Variants in TMEM39A observed in about 807,000 individuals in gnomAD.
TMEM39A encodes the protein suppressor of SQST-1 aggregates in rpl-43 mutants.
A neutral mutation model predicts 51.9 loss-of-function variants in TMEM39A; 19 were observed. That is an observed-to-expected ratio of 0.37 (90% CI 0.26 to 0.54). TMEM39A has a LOEUF of 0.54. Ranked by LOEUF, TMEM39A falls within the 20% of genes least tolerant of loss-of-function variation. The pLI is 0.88. For missense variants in TMEM39A, 433 were observed against 590.5 expected (o/e 0.73, Z 2.76); for synonymous variants, 197 against 220.2 (o/e 0.89, Z 0.93).
chr3:119,434,988 T>TC (rs2107658500), intron 7 of TMEM39A, 106 bp from the exon 8 acceptor site: 1 of 1,460,578 alleles, frequency 6.8e-7, no homozygotes, highest in East Asian at 2.4e-5. Context: ...AATCAAGGCT[T>TC]CATCTGCCTG....
intron 4 of TMEM39A, among the ~76,000 whole-genome samples, chr3:119,448,325 T>G (rs959128132): frequency 6.6e-6 from 1 of 152,134 alleles, no homozygotes; most frequent in South Asian, 2.1e-4. Context: ...TAGGGGAAAA[T>G]GGAAGATCCC....
At chr3:119,443,615 T>C (rs1251583753) in intron 5 of TMEM39A, among the ~76,000 whole-genome samples, 2 of 152,170 alleles carry the variant, frequency 1.3e-5, no homozygotes, top group Admixed American at 6.5e-5. Flanking sequence ...ATGTACTTAA[T>C]AGAATACAGA....
chr3:119,442,725 A>G (rs1482371432), intron 5 of TMEM39A, among the ~76,000 whole-genome samples: 1 of 152,186 alleles, frequency 6.6e-6, no homozygotes, highest in Non-Finnish European at 1.5e-5. Flanking sequence ...TGGAGAAAGT[A>G]ACCGCAAATG....
At chr3:119,453,383 T>G (rs1001932555) in intron 3 of TMEM39A, among the ~76,000 whole-genome samples, 1 of 152,216 alleles carries the variant, frequency 6.6e-6, no homozygotes, top group African/African-American at 2.4e-5. Flanking sequence ...TACTTTCTAC[T>G]GTGGTGTCAG....
In TMEM39A at chr3:119,434,785, C is replaced by A. The variant is rs183457549; in HGVS notation, c.1210G>T (p.Asp404Tyr). ...MGPYNVAVPS[D>Y]VSHARFYFLF... ...GCATAAAAGCGGGCATGAGATACAT[C>A]TGAAGGCACTGCCACGTTGTAAGGC... The change falls in exon 8 of 9, where the codon GAT (aspartate) becomes TAT (tyrosine). Residue 404 changes from aspartate to tyrosine, a missense_variant. Around this residue, in one of 3 missense-constraint regions of TMEM39A, gnomAD observed 223 missense variants for 328.1 expected, o/e 0.68. Transcript: ENST00000319172. The A allele has an allele frequency of 6.2e-7, 1 of 1,613,722 alleles. No homozygotes were observed. Among genetic ancestry groups the A allele is most frequent in the East Asian group, 2.2e-5 (1 of 44,876 alleles).
intron 4 of TMEM39A, among the ~76,000 whole-genome samples, chr3:119,448,957 T>C (rs1199728089): frequency 1.3e-5 from 2 of 152,324 alleles, no homozygotes; most frequent in African/African-American, 2.4e-5. Context: ...TGAAGCTGAC[T>C]AACCAAGAAA....
At position 119,432,106 on chromosome 3, in the gene TMEM39A, T is replaced by C. The variant is rs2080909137; in HGVS notation, c.1342A>G (p.Thr448Ala). 6.2e-7 allele frequency: 1 copy of C among 1,613,264 alleles called. No homozygotes were observed. The highest frequency in any genetic ancestry group is 8.5e-7 in the Non-Finnish European group (1 of 1,179,488). ...SLLRSEKWNH[T>A]LSMALILFCN... ...AAGAGGATGAGAGCCATGGAAAGTG[T>C]GTGGTTCCACTTCTCCGACCGCAGC... is the stretch of plus-strand genomic sequence containing the variant. The change falls in exon 9 of 9, where the codon ACA (threonine) becomes GCA (alanine). Residue 448 changes from threonine to alanine, a missense_variant. Physicochemically the swap from Thr to Ala is moderately conservative, Grantham distance 58 (BLOSUM62 0). Transcript: ENST00000319172.
chr3:119,438,582 A>C (rs911521290), intron 5 of TMEM39A, among the ~76,000 whole-genome samples: 2 of 152,194 alleles, frequency 1.3e-5, no homozygotes, highest in African/African-American at 4.8e-5. Context: ...TTTCTATAGA[A>C]ATTTTTAAAG....
rs745906149 is a variant in TMEM39A, at chr3:119,437,938, C to G, written c.741G>C (p.Ser247=). Residue 247 remains serine, a synonymous_variant, in exon 6 of 9, where the codon TCG becomes TCC. Coordinates refer to ENST00000319172, the MANE Select transcript of TMEM39A (RefSeq NM_018266.3). ...TGGCATTATTAAACTGTTCTTTTAG[C>G]GACTCCAGCAACAAGGAGAGAAAGT... The part of the protein sequence containing the change: ...SKDFLSLLLE[S]LKEQFNNATP... 1 of 1,613,912 alleles carries G rather than the reference C, an allele frequency of 6.2e-7. No homozygotes were observed. The highest frequency in any genetic ancestry group is 8.5e-7 in the Non-Finnish European group (1 of 1,179,984).
At chr3:119,435,516 C>G (rs1162447879) in intron 7 of TMEM39A, 1 of 984,158 alleles carries the variant, frequency 1.0e-6, no homozygotes, top group Admixed American at 6.2e-5. Context: ...GAAGCAGCAG[C>G]TTCATTCTTT....
Position 119,429,532 on chromosome 3 carries a change from A to AT in TMEM39A, c.*2448dup, listed in dbSNP as rs1180533959. ...AAAGGTCATTCTTTAATGATTACACATTTTTCTACTATCAGTGAGCAAATA... is the reference window on the plus strand; with the variant it reads ...AAAGGTCATTCTTTAATGATTACACATTTTTTCTACTATCAGTGAGCAAATA... On this transcript the variant is annotated 3_prime_UTR_variant, in exon 9 of 9. Transcript: ENST00000319172. The AT allele has an allele frequency of 6.6e-6, 1 of 152,112 alleles. No homozygotes were observed. The highest frequency in any genetic ancestry group is 6.6e-5 in the Admixed American group (1 of 15,262). 9.4% of individuals were successfully genotyped at this position (152,112 alleles called of 1,614,324 possible).
In TMEM39A at chr3:119,429,215, AAGAG is replaced by A. The variant is rs1476783878; in HGVS notation, c.*2762_*2765del. 1.3e-5 allele frequency among the ~76,000 whole-genome samples: 2 copies of A among 152,180 alleles called. No homozygotes were observed. Among genetic ancestry groups the A allele is most frequent in the Admixed American group, 6.6e-5 (1 of 15,264 alleles). ...AGAAATAAAAAAATTAATTAAAAAAAAGAGAGAGAAACGGCACAACAGGTGGCAG... is the reference window on the plus strand; with the variant it reads ...AGAAATAAAAAAATTAATTAAAAAAAAGAGAAACGGCACAACAGGTGGCAG... On this transcript the variant is annotated 3_prime_UTR_variant, in exon 9 of 9. Transcript: ENST00000319172.
Position 119,434,839 on chromosome 3 carries a change from G to T in TMEM39A, c.1156C>A (p.His386Asn). 6.2e-7 allele frequency: 1 copy of T among 1,613,738 alleles called. No individual in the cohort carries two copies. The highest frequency in any genetic ancestry group is 8.5e-7 in the Non-Finnish European group (1 of 1,179,688). Reference sequence around the variant, plus strand: ...ATGGCTCTATATAAACATCTGCTGTGCCGCACCAGCACCCCTTGAGGCCAT... The same window carrying T: ...ATGGCTCTATATAAACATCTGCTGTTCCGCACCAGCACCCCTTGAGGCCAT... The part of the protein sequence containing the change: ...TIWPQGVLVR[H>N]SRCLYRAMGP... The change falls in exon 8 of 9, where the codon CAC becomes AAC. Residue 386 changes from histidine to asparagine, a missense_variant. Transcript: ENST00000319172.
At chr3:119,442,028 G>GA (rs1191382061) in intron 5 of TMEM39A, among the ~76,000 whole-genome samples, 2 of 152,302 alleles carry the variant, frequency 1.3e-5, no homozygotes, top group East Asian at 3.9e-4. Context: ...CTACGGTTTA[G>GA]AAAAAAGATT....
intron 4 of TMEM39A, among the ~76,000 whole-genome samples, chr3:119,450,855 T>C (rs998621422): frequency 1.2e-4 from 11 of 93,784 alleles, no homozygotes; most frequent in African/African-American, 4.5e-4. Context: ...AAAAAAAGAA[T>C]TGCAAGCCTA....
At chr3:119,460,343 C>T (rs945211057) in intron 2 of TMEM39A, among the ~76,000 whole-genome samples, 1 of 151,978 alleles carries the variant, frequency 6.6e-6, no homozygotes. Context: ...AGGTATTTTC[C>T]GAACGTTCCT....
At chr3:119,443,607 G>A (rs1017402915) in intron 5 of TMEM39A, among the ~76,000 whole-genome samples, 1 of 152,100 alleles carries the variant, frequency 6.6e-6, no homozygotes, top group Non-Finnish European at 1.5e-5. Context: ...ATGCTATTAT[G>A]TACTTAATAG....
Position 119,451,135 on chromosome 3 carries a change from C to T in TMEM39A, c.420+1312G>A, listed in dbSNP as rs2107680667. 6.1e-6 allele frequency: 4 copies of T among 650,650 alleles called. No individual in the cohort carries two copies. In the South Asian group the frequency reaches 1.1e-4, roughly 18 times the overall value. The allele number at this position is 650,650 out of a possible 1,614,324, so 40.3% of individuals were successfully genotyped here. A position where few individuals can be genotyped will look rare whatever the true frequency, so the allele number is the denominator to read the frequency against. ...ACAAAAAGTGAGTTTCTATTTCCATCCTCTAAATAAAAACTCTGAAAGAAA... is the reference window on the plus strand; with the variant it reads ...ACAAAAAGTGAGTTTCTATTTCCATTCTCTAAATAAAAACTCTGAAAGAAA... On this transcript the variant is annotated intron_variant, in intron 4 of 8. Transcript: ENST00000319172.
In TMEM39A at chr3:119,431,508, T is replaced by G. The variant is rs1331757810; in HGVS notation, c.*473A>C. On this transcript the variant is annotated 3_prime_UTR_variant, in exon 9 of 9. Coordinates refer to ENST00000319172, the MANE Select transcript of TMEM39A (RefSeq NM_018266.3). ...ACAAAGAGAACCCCACCTAGGACTTTAACCCACTCTTTTCCCAATGTATTC... is the reference window on the plus strand; with the variant it reads ...ACAAAGAGAACCCCACCTAGGACTTGAACCCACTCTTTTCCCAATGTATTC... The G allele has an allele frequency of 1.3e-5, 2 of 152,576 alleles. No homozygotes were observed. The highest frequency in any genetic ancestry group is 2.9e-5 in the Non-Finnish European group (2 of 68,342). The allele number at this position is 152,576 out of a possible 1,614,324, so 9.5% of individuals were successfully genotyped here.
Sources: gnomAD v4.1 joint callset for allele counts (sites outside exome capture counted in the v4.1 genomes callset) on GRCh38, gnomAD v4.1.1 for gene constraint, gnomAD v4.1.1 regional missense constraint, MANE v1.5 for transcripts, NCBI Gene and HGNC (gene_info 2026-07-23, HGNC 2026-07-21) for gene names.